The following TLE1 variants were observed in gnomAD, a reference collection of about 807,000 sequenced individuals.
TLE1 encodes the protein TLE family member 1, transcriptional corepressor.
In TLE1, 21 loss-of-function variants were observed where a neutral mutation model predicts 89.8. That is an observed-to-expected ratio of 0.23 (90% CI 0.17 to 0.34). The LOEUF is 0.34. TLE1 is among the 10% of genes least tolerant of loss of function. The probability of loss-of-function intolerance (pLI) is 1.00; values close to 1 mark genes in which losing one functional copy is unlikely to be tolerated. For synonymous variants in TLE1, 447 were observed against 407.6 expected (o/e 1.10, Z -1.16); for missense variants, 795 against 1,031.2 (o/e 0.77, Z 3.14).
At chr9:81,587,916 G>GTGTGTGTGTCATCCCGCC in intron 16 of TLE1, 88 bp from the exon 17 acceptor site, 97 of 881,372 alleles carry the variant, frequency 1.1e-4, no homozygotes, top group South Asian at 4.9e-4. Flanking sequence ...CCGTGTGTGT[G>GTGTGTGTGTCATCCCGCC]TGTGTGTGTG....
At chr9:81,615,957 G>T (rs1025359788) in intron 11 of TLE1, 25 bp downstream of exon 11, 6 of 1,612,184 alleles carry the variant, frequency 3.7e-6, no homozygotes, top group Non-Finnish European at 4.2e-6. Context: ...TGCCAAACAG[G>T]CAAGTGTCAG....
At chr9:81,645,186 CCT>C (rs1315946769) in intron 6 of TLE1, among the ~76,000 whole-genome samples, 3 of 150,960 alleles carry the variant, frequency 2.0e-5, no homozygotes, top group Admixed American at 6.6e-5. Context: ...ATGGAGAAAC[CCT>C]GTCTCTACTA....
chr9:81,687,566 T>C, intron 1 of TLE1, 132 bp from the exon 2 acceptor site: 2 of 662,204 alleles, frequency 3.0e-6, no homozygotes, highest in Non-Finnish European at 5.2e-6. Context: ...GGCCCCAAAC[T>C]CGAGTTTGCC....
chr9:81,685,707 G>T lies in TLE1; in HGVS notation c.203C>A (p.Ser68Ter). ...QRHYVMYYEM[S>*]YGLNIEMHKQ... ...GTGCATTTCAATGTTTAATCCATAT[G>T]ACATTTCATAATACTGTAAAGAGAA... The change falls in exon 4 of 20, where the codon TCA becomes TAA. Residue 68 changes from serine to a stop codon, truncating the protein, a stop_gained. Coordinates refer to ENST00000376499, the MANE Select transcript of TLE1 (RefSeq NM_005077.5). LOFTEE classifies it high-confidence loss of function. 6.2e-7 allele frequency: 1 copy of T among 1,613,482 alleles called. No homozygotes were observed. Among genetic ancestry groups the T allele is most frequent in the South Asian group, 1.1e-5 (1 of 91,018 alleles).
intron 18 of TLE1, 96 bp downstream of exon 18, chr9:81,585,409 C>T: frequency 2.7e-6 from 4 of 1,476,030 alleles, no homozygotes; most frequent in Non-Finnish European, 3.7e-6. Flanking sequence ...GCTCGGAGAA[C>T]ATTTTTTCCA....
chr9:81,615,606 A>G (rs1224680729), intron 11 of TLE1, among the ~76,000 whole-genome samples: 1 of 149,210 alleles, frequency 6.7e-6, no homozygotes, highest in African/African-American at 2.5e-5. Flanking sequence ...CCAGCTACTC[A>G]GGGGGCAGAG....
Position 81,590,823 on chromosome 9 carries a change from T to A in TLE1, c.1811A>T (p.His604Leu), listed in dbSNP as rs1829379949. 2 of 1,613,962 alleles carry A rather than the reference T, an allele frequency of 1.2e-6. No individual in the cohort carries two copies. Among genetic ancestry groups the A allele is most frequent in the Non-Finnish European group, 1.7e-6 (2 of 1,180,038 alleles). The change falls in exon 16 of 20, where the codon CAC becomes CTC. Residue 604 changes from histidine (H) to leucine (L), a missense_variant. Transcript: ENST00000376499. ...SDGNIAVWDL[H>L]NQTLVRQFQG... ...TGCTCACCTCACTAGTGTCTGGTTG[T>A]GCAGATCCCACACAGCGATGTTGCC...
At chr9:81,671,538 G>C (rs555448306) in intron 4 of TLE1, among the ~76,000 whole-genome samples, 2 of 151,980 alleles carry the variant, frequency 1.3e-5, no homozygotes, top group East Asian at 3.9e-4. Context: ...CCAGCTACTC[G>C]AGAGGCCAAG....
intron 6 of TLE1, among the ~76,000 whole-genome samples, chr9:81,637,644 C>CT (rs11375860): frequency 0.58 from 80,763 of 138,550 alleles, 23,338 homozygotes; most frequent in South Asian, 0.7. Flanking sequence ...ATGAAAGTTT[C>CT]TTTTTTTTTT....
chr9:81,672,551 T>G (rs973291979), intron 4 of TLE1, among the ~76,000 whole-genome samples: 2 of 150,300 alleles, frequency 1.3e-5, no homozygotes, highest in African/African-American at 4.9e-5. Flanking sequence ...GCCCATGGAG[T>G]AGACGAAGAA....
At chr9:81,636,168 G>A (rs1435498510) in intron 6 of TLE1, among the ~76,000 whole-genome samples, 1 of 152,092 alleles carries the variant, frequency 6.6e-6, no homozygotes, top group Non-Finnish European at 1.5e-5. Context: ...TTCACCATTT[G>A]AGATCATAAT....
At chr9:81,617,133 CAAAAAAAA>C (rs56692367) in intron 9 of TLE1, among the ~76,000 whole-genome samples, 1 of 124,190 alleles carries the variant, frequency 8.1e-6, no homozygotes, top group Non-Finnish European at 1.8e-5. Flanking sequence ...CTAGTTAATG[CAAAAAAAA>C]AAAAAAAAAA....
intron 13 of TLE1, among the ~76,000 whole-genome samples, chr9:81,610,703 T>C (rs2132048497): frequency 6.6e-6 from 1 of 152,306 alleles, no homozygotes; most frequent in South Asian, 2.1e-4. Context: ...ATATCATTCC[T>C]GGCCCCTACT....
At chr9:81,682,066 T>C (rs1293190758) in intron 4 of TLE1, among the ~76,000 whole-genome samples, 1 of 151,172 alleles carries the variant, frequency 6.6e-6, no homozygotes, top group African/African-American at 2.4e-5. Flanking sequence ...CGAACATGGG[T>C]GAAACCCTCT....
chr9:81,615,718 A>C (rs1403785015), intron 11 of TLE1, among the ~76,000 whole-genome samples: 1 of 151,030 alleles, frequency 6.6e-6, no homozygotes, highest in Non-Finnish European at 1.5e-5. Context: ...GTCTCAAAAA[A>C]AAAAAAAAAA....
chr9:81,630,227 C>T (rs775094836), intron 8 of TLE1, among the ~76,000 whole-genome samples: 10 of 151,944 alleles, frequency 6.6e-5, no homozygotes, highest in Non-Finnish European at 1.3e-4. Context: ...CGGAGACCCT[C>T]GCAAATCTAT....
At chr9:81,602,635 T>C (rs1831090143) in intron 14 of TLE1, among the ~76,000 whole-genome samples, 1 of 152,168 alleles carries the variant, frequency 6.6e-6, no homozygotes, top group Non-Finnish European at 1.5e-5. Flanking sequence ...GCATTTTGGA[T>C]TTTGAATTTT....
At chr9:81,602,315 G>A (rs1266041101) in intron 14 of TLE1, among the ~76,000 whole-genome samples, 4 of 152,186 alleles carry the variant, frequency 2.6e-5, no homozygotes, top group Non-Finnish European at 5.9e-5. Context: ...GGTTTATACA[G>A]GTCGAACATC....
intron 6 of TLE1, among the ~76,000 whole-genome samples, chr9:81,640,812 T>C (rs550923556): frequency 4.9e-4 from 74 of 152,328 alleles, no homozygotes; most frequent in African/African-American, 1.7e-3. Flanking sequence ...CACCATGTTG[T>C]TGTAGCCTCT....
Sources: gnomAD v4.1 joint callset for allele counts (sites outside exome capture counted in the v4.1 genomes callset) on GRCh38, gnomAD v4.1.1 for gene constraint, MANE v1.5 for transcripts, NCBI Gene and HGNC (gene_info 2026-07-23, HGNC 2026-07-21) for gene names.